The following NKAIN1 variants were observed in gnomAD, a reference collection of about 807,000 sequenced individuals.
The protein encoded by NKAIN1 is sodium/potassium transporting ATPase interacting 1.
Under a neutral mutation model 31.6 loss-of-function variants are expected in NKAIN1, and 13 were observed. That is an observed-to-expected ratio of 0.41 (90% CI 0.27 to 0.65). The LOEUF is 0.65. NKAIN1 is among the 30% of genes least tolerant of loss of function. The pLI is 0.30. For synonymous variants in NKAIN1, 104 were observed against 109.0 expected, an observed-to-expected ratio of 0.95 and a Z score of 0.28; for missense variants, 193 against 262.2, an observed-to-expected ratio of 0.74 and a Z score of 1.82.
intron 1 of NKAIN1, among the ~76,000 whole-genome samples, chr1:31,201,120 A>T (rs1645376909): frequency 6.6e-6 from 1 of 152,142 alleles, no homozygotes; most frequent in Admixed American, 6.6e-5. Context: ...CTTGTGTGCT[A>T]AATCCCGAGA....
intron 1 of NKAIN1, among the ~76,000 whole-genome samples, chr1:31,195,488 A>C (rs1409751883): frequency 1.3e-5 from 2 of 151,710 alleles, no homozygotes; most frequent in Non-Finnish European, 2.9e-5. Flanking sequence ...CGCCACCTGC[A>C]CTCTGGATCC....
At chr1:31,183,175 C>CAACTCTG (rs1645215764) in intron 4 of NKAIN1, among the ~76,000 whole-genome samples, 1 of 152,086 alleles carries the variant, frequency 6.6e-6, no homozygotes, top group South Asian at 2.1e-4. Context: ...CTTATTCTCA[C>CAACTCTG]AACTCTGAGG....
chr1:31,197,545 C>CTTTTTTTTT lies in NKAIN1; in HGVS notation c.55-9367_55-9359dup, dbSNP rs754860679. On this transcript the variant is annotated intron_variant, in intron 1 of 6. Coordinates refer to ENST00000373736, the MANE Select transcript of NKAIN1 (RefSeq NM_024522.3). ...ACAGGCATGAGCCACCGTGCCCGGC[C>CTTTTTTTTT]TTTTTTTTTTTTTTTCCCTGAGATG... is the stretch of plus-strand genomic sequence containing the variant. 2.7e-4 allele frequency among the ~76,000 whole-genome samples: 30 copies of CTTTTTTTTT among 111,392 alleles called. 3 individuals carry two copies. Among genetic ancestry groups the CTTTTTTTTT allele is most frequent in the Admixed American group, 3.1e-4 (3 of 9,652 alleles). 73.1% of individuals were successfully genotyped at this position (111,392 alleles called of 152,430 possible). A position where few individuals can be genotyped will look rare whatever the true frequency, so the allele number is the denominator to read the frequency against.
chr1:31,234,294 G>A (rs1276822397), intron 1 of NKAIN1, among the ~76,000 whole-genome samples: 3 of 152,196 alleles, frequency 2.0e-5, no homozygotes, highest in Non-Finnish European at 4.4e-5. Flanking sequence ...CGAGGAAGCC[G>A]TGAGCTTGCA....
intron 1 of NKAIN1, among the ~76,000 whole-genome samples, chr1:31,224,688 G>A (rs1225268565): frequency 2.0e-5 from 3 of 152,222 alleles, no homozygotes; most frequent in South Asian, 2.1e-4. Flanking sequence ...TGCCCTGCCC[G>A]GGGCCTCAGA....
At position 31,226,803 on chromosome 1, in the gene NKAIN1, C is replaced by T. The variant is rs190176480; in HGVS notation, c.54+12691G>A. Reference sequence around the variant, plus strand: ...TCTCCCAAAGTGCTGGGATTACAGGCGTGAGCCACCGCACCCGGCCAGAAA... The same window carrying T: ...TCTCCCAAAGTGCTGGGATTACAGGTGTGAGCCACCGCACCCGGCCAGAAA... On this transcript the variant is annotated intron_variant, in intron 1 of 6. Coordinates refer to ENST00000373736, the MANE Select transcript of NKAIN1 (RefSeq NM_024522.3). Among the ~76,000 whole-genome samples the T allele has an allele frequency of 6.7e-3, 1,009 of 151,158 alleles. 7 individuals carry two copies. The highest frequency in any genetic ancestry group is 0.018 in the African/African-American group (738 of 41,080).
chr1:31,184,094 T>C (rs1570448280), intron 3 of NKAIN1, 80 bp from the exon 4 acceptor site: 2 of 1,312,012 alleles, frequency 1.5e-6, no homozygotes, highest in African/African-American at 1.5e-5. Flanking sequence ...GAAGACTATA[T>C]TGATCGGTGA....
intron 1 of NKAIN1, among the ~76,000 whole-genome samples, chr1:31,200,844 C>CT (rs58544346): frequency 0.077 from 11,158 of 144,964 alleles, 1,074 homozygotes; most frequent in African/African-American, 0.22. Flanking sequence ...TCTCGAGTGC[C>CT]TTTTTTTTTT....
chr1:31,181,848 G>GA lies in NKAIN1; in HGVS notation c.614+11_614+12insT. 1 of 1,601,610 alleles carries GA rather than the reference G, an allele frequency of 6.2e-7. No homozygotes were observed. The highest frequency in any genetic ancestry group is 8.5e-7 in the Non-Finnish European group (1 of 1,174,880). ...CCAGGCCTCCCCAAGCCAGCAGGGG[G>GA]CCGTGACCCACGTGTACAGAGGCTG... On this transcript the variant is annotated intron_variant, in intron 6 of 6. Transcript: ENST00000373736.
At chr1:31,221,808 T>G (rs188579641) in intron 1 of NKAIN1, among the ~76,000 whole-genome samples, 80 of 152,296 alleles carry the variant, frequency 5.3e-4, no homozygotes, top group African/African-American at 1.8e-3. Flanking sequence ...GCTTTAGACT[T>G]TATCCTGAAG....
intron 1 of NKAIN1, among the ~76,000 whole-genome samples, chr1:31,216,690 T>TTTTATCTATTTATCTATTTATTTA (rs369336386): frequency 0.011 from 1,500 of 140,558 alleles, 20 homozygotes; most frequent in East Asian, 0.05. Flanking sequence ...TGGCATTGAC[T>TTTTATCTATTTATCTATTTATTTA]TTTATTTATT....
rs889982417 is a variant in NKAIN1 at position 31,191,406 on chromosome 1, T to G, written c.55-3219A>C. Among the ~76,000 whole-genome samples, 39 of 151,474 alleles carry G rather than the reference T, an allele frequency of 2.6e-4. No individual in the cohort carries two copies. In the South Asian group the frequency reaches 7.3e-3, roughly 28 times the overall value. Reference sequence around the variant, plus strand: ...TGATAGAAAACAGAGAGAGGTTTTTTTTTTTTTTTTTTTTTAAAGCAGTAG... The same window carrying G: ...TGATAGAAAACAGAGAGAGGTTTTTGTTTTTTTTTTTTTTTAAAGCAGTAG... On this transcript the variant is annotated intron_variant, in intron 1 of 6. Coordinates refer to ENST00000373736, the MANE Select transcript of NKAIN1 (RefSeq NM_024522.3).
chr1:31,190,671 A>C (rs1645278182), intron 1 of NKAIN1, among the ~76,000 whole-genome samples: 1 of 152,080 alleles, frequency 6.6e-6, no homozygotes, highest in Admixed American at 6.6e-5. Flanking sequence ...CATGGAAGTC[A>C]CTGGACTAGG....
intron 1 of NKAIN1, chr1:31,188,429 G>T: frequency 2.1e-6 from 1 of 479,726 alleles, no homozygotes; most frequent in East Asian, 3.5e-5. Flanking sequence ...TGCCAAGGAG[G>T]CCCTTCCCTC....
chr1:31,232,424 T>TATATAGAG (rs1313157898), intron 1 of NKAIN1, among the ~76,000 whole-genome samples: 15 of 16,922 alleles, frequency 8.9e-4, no homozygotes, highest in African/African-American at 1.9e-3. Context: ...TATATATATA[T>TATATAGAG]AGAGAGAGAG....
chr1:31,206,701 T>G (rs1645428103), intron 1 of NKAIN1, among the ~76,000 whole-genome samples: 1 of 152,264 alleles, frequency 6.6e-6, no homozygotes, highest in South Asian at 2.1e-4. Flanking sequence ...CCTTCCAAAG[T>G]GCAGGGATTA....
At position 31,239,584 on chromosome 1, in the gene NKAIN1, C is replaced by T; in HGVS notation, c.-37G>A. 8.5e-7 allele frequency: 1 copy of T among 1,174,426 alleles called. No homozygotes were observed. Among genetic ancestry groups the T allele is most frequent in the Non-Finnish European group, 1.1e-6 (1 of 948,374 alleles). 72.8% of individuals were successfully genotyped at this position (1,174,426 alleles called of 1,614,324 possible). On this transcript the variant is annotated 5_prime_UTR_variant, in exon 1 of 7. Coordinates refer to ENST00000373736, the MANE Select transcript of NKAIN1 (RefSeq NM_024522.3). This position sits in a 1 kb window ranked among gnomAD's most constrained non-coding sequence, Gnocchi z 4.8. ...CTGCGCGGGCCGCACGCCGCGGCGC[C>T]CTTCTTGCTCCGCGGCCGCCGCCTG...
chr1:31,211,271 C>A (rs1309413940), intron 1 of NKAIN1, among the ~76,000 whole-genome samples: 2 of 152,192 alleles, frequency 1.3e-5, no homozygotes, highest in African/African-American at 4.8e-5. Context: ...AAAGAATCCC[C>A]AAAAAACAAC....
intron 1 of NKAIN1, among the ~76,000 whole-genome samples, chr1:31,214,167 G>A: frequency 6.6e-6 from 1 of 152,004 alleles, no homozygotes; most frequent in East Asian, 1.9e-4. Flanking sequence ...CTAGGTGAAG[G>A]ATAACAGTCA....
Sources: allele counts gnomAD v4.1 joint callset (sites outside exome capture counted in the v4.1 genomes callset), GRCh38; gene constraint gnomAD v4.1.1; non-coding constraint Gnocchi (gnomAD v3.1); transcripts MANE v1.5; gene names NCBI Gene and HGNC (gene_info 2026-07-23, HGNC 2026-07-21).